The following AVL9 variants were observed in gnomAD, a reference collection of about 807,000 sequenced individuals.
AVL9 encodes the protein AVL9 cell migration associated.
Under a neutral mutation model 79.2 loss-of-function variants are expected in AVL9, and 49 were observed. That is an observed-to-expected ratio of 0.62 (90% CI 0.49 to 0.79). The LOEUF (loss-of-function observed/expected upper bound fraction) is 0.79. AVL9 is among the 30% of genes least tolerant of loss of function. AVL9 has a pLI of 0.00. For synonymous variants in AVL9, 299 were observed against 280.6 expected (o/e 1.07, Z -0.65); for missense variants, 682 against 776.8 (o/e 0.88, Z 1.45).
At chr7:32,551,527 G>A in intron 5 of AVL9, 104 bp downstream of exon 5, 1 of 488,996 alleles carries the variant, frequency 2.0e-6, no homozygotes. Context: ...CCTTAAGAAA[G>A]ACATTCTAAT....
At chr7:32,516,966 A>G (rs538305407) in intron 1 of AVL9, among the ~76,000 whole-genome samples, 154 of 152,286 alleles carry the variant, frequency 1.0e-3, no homozygotes, top group African/African-American at 3.5e-3. Context: ...TAAGGTTCCT[A>G]AGTTATCTAT....
chr7:32,510,408 G>C (rs113029675), intron 1 of AVL9, among the ~76,000 whole-genome samples: 2,898 of 141,048 alleles, frequency 0.021, 90 homozygotes, highest in Non-Finnish European at 0.033. Context: ...GTCATGTCTG[G>C]CTGTGGGAGT....
At position 32,495,547 on chromosome 7, in the gene AVL9, T is replaced by C. The variant is rs1786752480; in HGVS notation, c.-163T>C. ...GATGAGGGAAGGGCGGCCGTGGCCC[T>C]GGGGGCGGCGGGAGCTGCTTTGCCT... On this transcript the variant is annotated 5_prime_UTR_variant, in exon 1 of 16. Coordinates refer to ENST00000318709, the MANE Select transcript of AVL9 (RefSeq NM_015060.3). The C allele has an allele frequency of 9.6e-6, 4 of 417,940 alleles. No homozygotes were observed. The Admixed American group carries it at 1.8e-4, about 19-fold the overall frequency. 25.9% of individuals were successfully genotyped at this position (417,940 alleles called of 1,614,324 possible).
At chr7:32,506,469 A>G (rs974797411) in intron 1 of AVL9, among the ~76,000 whole-genome samples, 6 of 152,202 alleles carry the variant, frequency 3.9e-5, no homozygotes, top group Non-Finnish European at 5.9e-5. Flanking sequence ...GGGATGATTC[A>G]CAAGTCAAGT....
At chr7:32,536,291 A>G (rs568555475) in intron 1 of AVL9, 1 of 152,158 alleles carries the variant, frequency 6.6e-6, no homozygotes, top group Non-Finnish European at 1.5e-5. Flanking sequence ...TACACTTATC[A>G]TCACTTCTGT....
intron 7 of AVL9, 44 bp from the exon 8 acceptor site, chr7:32,554,514 G>T: frequency 4.2e-6 from 5 of 1,184,454 alleles, no homozygotes; most frequent in Non-Finnish European, 6.0e-6. Context: ...AATTATAGGC[G>T]TGAGTCTCTC....
intron 1 of AVL9, among the ~76,000 whole-genome samples, chr7:32,516,766 TA>T (rs33970150): frequency 0.16 from 21,737 of 134,234 alleles, 1,643 homozygotes; most frequent in East Asian, 0.19. Flanking sequence ...CCTAGGCCTT[TA>T]AAAAAAAAAA....
intron 1 of AVL9, among the ~76,000 whole-genome samples, chr7:32,506,701 C>T (rs1787428440): frequency 6.6e-6 from 1 of 150,860 alleles, no homozygotes; most frequent in African/African-American, 2.4e-5. Context: ...TACCTGAGGC[C>T]ACAAGTTTGA....
chr7:32,563,982 G>A (rs923107926), intron 10 of AVL9, among the ~76,000 whole-genome samples: 3 of 152,124 alleles, frequency 2.0e-5, no homozygotes, highest in African/African-American at 4.8e-5. Context: ...CACAAATTGC[G>A]GGCTTTCTGA....
chr7:32,507,266 G>A (rs1199031417), intron 1 of AVL9, among the ~76,000 whole-genome samples: 3 of 152,162 alleles, frequency 2.0e-5, no homozygotes, highest in Non-Finnish European at 2.9e-5. Context: ...AATGTTTAAT[G>A]TGAAACATCA....
chr7:32,554,537 C>A, intron 7 of AVL9, 21 bp from the exon 8 acceptor site: 3 of 1,459,836 alleles, frequency 2.1e-6, no homozygotes, highest in South Asian at 1.3e-5. Context: ...TTCAATACAA[C>A]ATTTTTTTTT....
intron 13 of AVL9, 113 bp downstream of exon 13, chr7:32,576,185 T>A: frequency 1.4e-6 from 1 of 719,720 alleles, no homozygotes; most frequent in Non-Finnish European, 2.3e-6. Context: ...AGAATCCCCT[T>A]AAGTAGGTCA....
In AVL9 at chr7:32,570,014, T is replaced by A; in HGVS notation, c.1216-6T>A. On this transcript the variant is annotated splice_region_variant and splice_polypyrimidine_tract_variant and intron_variant, in intron 10 of 15. Coordinates refer to ENST00000318709, the MANE Select transcript of AVL9 (RefSeq NM_015060.3). Reference sequence around the variant, plus strand: ...TGATATTTTCTATTACTCTTCTAATTCATAGGGATATCTGTGTTTGCCTTA... The same window carrying A: ...TGATATTTTCTATTACTCTTCTAATACATAGGGATATCTGTGTTTGCCTTA... 1 of 1,614,112 alleles carries A rather than the reference T, an allele frequency of 6.2e-7. No individual in the cohort carries two copies. The highest frequency in any genetic ancestry group is 8.5e-7 in the Non-Finnish European group (1 of 1,179,930).
At chr7:32,546,565 GTAATCCTA>G (rs1789514673) in intron 3 of AVL9, among the ~76,000 whole-genome samples, 1 of 152,192 alleles carries the variant, frequency 6.6e-6, no homozygotes, top group Non-Finnish European at 1.5e-5. Flanking sequence ...GCTCACACCT[GTAATCCTA>G]GCACTTTGGG....
intron 11 of AVL9, 74 bp from the exon 12 acceptor site, chr7:32,573,125 A>G: frequency 8.7e-7 from 1 of 1,153,034 alleles, no homozygotes; most frequent in South Asian, 1.3e-5. Flanking sequence ...CCTTCCCCGT[A>G]GTTACTCTGT....
At position 32,495,504 on chromosome 7, in the gene AVL9, C is replaced by T. The variant is rs1786749487; in HGVS notation, c.-206C>T. On this transcript the variant is annotated 5_prime_UTR_variant, in exon 1 of 16. Coordinates refer to ENST00000318709, the MANE Select transcript of AVL9 (RefSeq NM_015060.3). ...GGCGGCCGCCGTGTCAGGTGACAGC[C>T]CGGAAGCTGCGGAAGCGGATGAGGG... 2.6e-6 allele frequency: 1 copy of T among 389,370 alleles called. No individual in the cohort carries two copies. Among genetic ancestry groups the T allele is most frequent in the Admixed American group, 4.5e-5 (1 of 22,226 alleles). 24.1% of individuals were successfully genotyped at this position (389,370 alleles called of 1,614,324 possible). A position where few individuals can be genotyped will look rare whatever the true frequency, so the allele number is the denominator to read the frequency against.
chr7:32,520,785 G>T (rs370763638), intron 1 of AVL9, among the ~76,000 whole-genome samples: 21 of 152,126 alleles, frequency 1.4e-4, no homozygotes, highest in African/African-American at 5.1e-4. Flanking sequence ...TGTCCCTCAT[G>T]GGTGTACAGA....
rs1735426690 is a variant in AVL9 at position 32,584,115 on chromosome 7, A to G, written c.*208A>G. On this transcript the variant is annotated 3_prime_UTR_variant, in exon 16 of 16. Coordinates refer to ENST00000318709, the MANE Select transcript of AVL9 (RefSeq NM_015060.3). ...GATGGCTTTCCAGGTTGGGGTTTCA[A>G]TTGACTACTTTTATTTCAGTCTGAG... The G allele has an allele frequency of 9.9e-6, 6 of 608,274 alleles. No individual in the cohort carries two copies. Among genetic ancestry groups the G allele is most frequent in the South Asian group, 7.5e-5 (4 of 53,312 alleles). 37.7% of individuals were successfully genotyped at this position (608,274 alleles called of 1,614,324 possible).
At chr7:32,563,701 G>C (rs1161693283) in intron 10 of AVL9, among the ~76,000 whole-genome samples, 1 of 152,052 alleles carries the variant, frequency 6.6e-6, no homozygotes, top group Non-Finnish European at 1.5e-5. Flanking sequence ...AAGATGGGTA[G>C]TGTTGGCTTG....
Sources: gnomAD v4.1 joint callset for allele counts (sites outside exome capture counted in the v4.1 genomes callset) on GRCh38, gnomAD v4.1.1 for gene constraint, MANE v1.5 for transcripts, NCBI Gene and HGNC (gene_info 2026-07-23, HGNC 2026-07-21) for gene names.